The following ZNF844 variants were observed in gnomAD, a reference collection of about 807,000 sequenced individuals.
ZNF844 encodes the protein zinc finger protein 844.
A neutral mutation model predicts 11.4 loss-of-function variants in ZNF844; 11 were observed. The ratio of observed to expected loss-of-function variants is 0.97; its 90% CI spans 0.61 to 1.60. The LOEUF is 1.60. Ranked by LOEUF, ZNF844 falls within the 40% of genes most tolerant of loss-of-function variation. ZNF844 has a pLI of 0.00. For missense variants in ZNF844, 790 were observed against 796.8 expected, an observed-to-expected ratio of 0.99 and a Z score of 0.10; for synonymous variants, 248 against 260.3, an observed-to-expected ratio of 0.95 and a Z score of 0.46.
rs373193689 is a variant in ZNF844 at position 12,069,605 on chromosome 19, C to T, written c.4-4426C>T. On this transcript the variant is annotated intron_variant, in intron 1 of 3. Coordinates refer to ENST00000439326, the MANE Select transcript of ZNF844 (RefSeq NM_001136501.3). ...TTTTTTTTTTACAGAGAGGAGAAAA[C>T]AAGGTTAGGAAGAAGGTGAGAGTGG... 7.4e-5 allele frequency among the ~76,000 whole-genome samples: 11 copies of T among 149,304 alleles called. No homozygotes were observed. In the East Asian group the frequency reaches 7.9e-4, roughly 11 times the overall value.
At chr19:12,071,185 T>C (rs1289095857) in intron 1 of ZNF844, among the ~76,000 whole-genome samples, 1 of 152,158 alleles carries the variant, frequency 6.6e-6, no homozygotes, top group Non-Finnish European at 1.5e-5. Flanking sequence ...CCACTGGACA[T>C]CATTATCAAT....
intron 1 of ZNF844, among the ~76,000 whole-genome samples, chr19:12,073,222 C>T (rs535852725): frequency 2.0e-5 from 3 of 151,690 alleles, no homozygotes; most frequent in African/African-American, 4.8e-5. Flanking sequence ...TGCAATGGTG[C>T]GATCTCAGCT....
In ZNF844 at chr19:12,073,334, T is replaced by C. The variant is rs1975771809; in HGVS notation, c.4-697T>C. ...ACCACCACGCCCAGCTAATTTTGTA[T>C]TTTTAGTAGAGACAGGGTTTCTCCA... is the stretch of plus-strand genomic sequence containing the variant. On this transcript the variant is annotated intron_variant, in intron 1 of 3. Transcript: ENST00000439326. Among the ~76,000 whole-genome samples the C allele has an allele frequency of 2.0e-5, 3 of 152,108 alleles. No individual in the cohort carries two copies. The South Asian group carries it at 6.2e-4, about 32-fold the overall frequency.
rs893588414 is a variant in ZNF844 at position 12,064,755 on chromosome 19, G to A, written c.-119G>A. ...CAGTCTTTGGCCCCTCCCGCCGGGT[G>A]AGGTTGGCACCCCGTTTTTCCTGCT... On this transcript the variant is annotated 5_prime_UTR_variant, in exon 1 of 4. Coordinates refer to ENST00000439326, the MANE Select transcript of ZNF844 (RefSeq NM_001136501.3). 9.2e-7 allele frequency: 1 copy of A among 1,084,398 alleles called. No homozygotes were observed. The allele number at this position is 1,084,398 out of a possible 1,614,324, so 67.2% of individuals were successfully genotyped here.
chr19:12,066,675 T>C (rs1431851991), intron 1 of ZNF844, among the ~76,000 whole-genome samples: 3 of 150,492 alleles, frequency 2.0e-5, no homozygotes, highest in African/African-American at 7.3e-5. Flanking sequence ...GCCTCCGGAG[T>C]AGCTGGGACT....
At chr19:12,066,661 C>G (rs922819118) in intron 1 of ZNF844, among the ~76,000 whole-genome samples, 1 of 151,268 alleles carries the variant, frequency 6.6e-6, no homozygotes, top group African/African-American at 2.4e-5. Context: ...ATTCTCCTGC[C>G]TCAGCCTCCG....
In ZNF844 at chr19:12,077,511, C is replaced by T. The variant is rs372777656; in HGVS notation, c.*390C>T. ...AGCCTTCATTTCTTCCGGTAGCCTT[C>T]GATATCATGAAAGGACTCACACTGG... On this transcript the variant is annotated 3_prime_UTR_variant, in exon 4 of 4. Transcript: ENST00000439326. 5.6e-5 allele frequency: 34 copies of T among 610,006 alleles called. No homozygotes were observed. In the East Asian group the frequency reaches 1.2e-3, roughly 22 times the overall value. The allele number at this position is 610,006 out of a possible 1,614,324, so 37.8% of individuals were successfully genotyped here.
rs781304308 is a variant in ZNF844, at chr19:12,075,542, A to G, written c.422A>G (p.Tyr141Cys). 1.2e-5 allele frequency: 19 copies of G among 1,613,986 alleles called. No individual in the cohort carries two copies. Among genetic ancestry groups the G allele is most frequent in the South Asian group, 2.2e-5 (2 of 91,068 alleles). ...TATCAGGAATATGGACAGGAGCCATATAAGTGTCAACAACGTAAGAAAGCC... is the reference window on the plus strand; with the variant it reads ...TATCAGGAATATGGACAGGAGCCATGTAAGTGTCAACAACGTAAGAAAGCC... ...SEYQEYGQEP[Y>C]KCQQRKKAFR... The change falls in exon 4 of 4, where the codon TAT (tyrosine) becomes TGT (cysteine). Residue 141 changes from tyrosine to cysteine, a missense_variant. Physicochemically the swap from Tyr to Cys is radical, Grantham distance 194. This residue lies in a region of ZNF844 where 657 missense variants were observed against 636.2 expected (regional missense o/e 1.03). Coordinates refer to ENST00000439326, the MANE Select transcript of ZNF844 (RefSeq NM_001136501.3).
chr19:12,071,937 G>A (rs1356669012), intron 1 of ZNF844, among the ~76,000 whole-genome samples: 3 of 150,694 alleles, frequency 2.0e-5, no homozygotes, highest in Admixed American at 1.3e-4. Flanking sequence ...ACACAGCCTG[G>A]AGTGCAGTGG....
Position 12,076,731 on chromosome 19 carries a change from G to GA in ZNF844, c.1617dup (p.Pro540ThrfsTer104). On this transcript the variant is annotated frameshift_variant, in exon 4 of 4. Coordinates refer to ENST00000439326, the MANE Select transcript of ZNF844 (RefSeq NM_001136501.3). LOFTEE classifies it low-confidence loss of function (END_TRUNC). The stretch of plus-strand genomic sequence containing the variant: ...GCAACTGTATGAATCTAAACAATGT[G>GA]AAAAAACCTTTGGATCTGTCAGAAA... 2.5e-6 allele frequency: 4 copies of GA among 1,610,092 alleles called. No individual in the cohort carries two copies. Among genetic ancestry groups the GA allele is most frequent in the South Asian group, 1.1e-5 (1 of 90,520 alleles).
At chr19:12,065,004 AG>A in intron 1 of ZNF844, 128 bp downstream of exon 1, 1 of 1,022,112 alleles carries the variant, frequency 9.8e-7, no homozygotes, top group Non-Finnish European at 1.4e-6. Flanking sequence ...CTGGGGCCCG[AG>A]CCCCGCTGGC....
chr19:12,080,346 CAAA>C lies in ZNF844; in HGVS notation c.*3243_*3245del, dbSNP rs61413798. On this transcript the variant is annotated 3_prime_UTR_variant, in exon 4 of 4. Transcript: ENST00000439326. The stretch of plus-strand genomic sequence containing the variant: ...GCGGCGACAGAGCAAGACTCCGTCT[CAAA>C]AAAAAAAAAAAAAAAAAGAGAAGTC... 0.014 allele frequency: 2,378 copies of C among 170,016 alleles called. No individual in the cohort carries two copies. Among genetic ancestry groups the C allele is most frequent in the South Asian group, 0.019 (450 of 23,314 alleles). The allele number at this position is 170,016 out of a possible 1,614,324, so 10.5% of individuals were successfully genotyped here.
chr19:12,074,972 G>T (rs544211460), intron 3 of ZNF844, among the ~76,000 whole-genome samples: 1 of 151,984 alleles, frequency 6.6e-6, no homozygotes, highest in Non-Finnish European at 1.5e-5. Context: ...GTATAGATAG[G>T]CCATCTTATA....
chr19:12,064,951 C>T lies in ZNF844; in HGVS notation c.3+75C>T, dbSNP rs373545956. On this transcript the variant is annotated intron_variant, in intron 1 of 3. Transcript: ENST00000439326. ...GGAGGCTGGTTGGAACTGGCTGGAA[C>T]CGGCTGTGCCGGGACCCGGACCTCC... The T allele has an allele frequency of 4.1e-5, 62 of 1,498,380 alleles. 5 individuals are homozygous for T. In the East Asian group the frequency reaches 1.1e-3, roughly 26 times the overall value. 92.8% of individuals were successfully genotyped at this position (1,498,380 alleles called of 1,614,324 possible). A position where few individuals can be genotyped will look rare whatever the true frequency, so the allele number is the denominator to read the frequency against.
chr19:12,068,110 A>G (rs900776438), intron 1 of ZNF844, among the ~76,000 whole-genome samples: 4 of 151,994 alleles, frequency 2.6e-5, no homozygotes, highest in African/African-American at 9.7e-5. Context: ...GGAGTTTGAG[A>G]CCAGTCTGGG....
In ZNF844 at chr19:12,072,889, TTTTTC is replaced by T. The variant is rs1213436720; in HGVS notation, c.4-1132_4-1128del. ...CATGAGCCACCGCGCCTGGCCTTGA[TTTTTC>T]TTTTCTTTTTAGTTGAATGTAAGAA... is the stretch of plus-strand genomic sequence containing the variant. On this transcript the variant is annotated intron_variant, in intron 1 of 3. Transcript: ENST00000439326. Among the ~76,000 whole-genome samples, 5 of 151,478 alleles carry T rather than the reference TTTTTC, an allele frequency of 3.3e-5. No homozygotes were observed. In the East Asian group the frequency reaches 1.0e-3, roughly 30 times the overall value.
rs1160638304 is a variant in ZNF844, at chr19:12,077,490, T to C, written c.*369T>C. Reference sequence around the variant, plus strand: ...TGAATGTAAGCAGTGTGGGAAAGCCTTCATTTCTTCCGGTAGCCTTCGATA... The same window carrying C: ...TGAATGTAAGCAGTGTGGGAAAGCCCTCATTTCTTCCGGTAGCCTTCGATA... On this transcript the variant is annotated 3_prime_UTR_variant, in exon 4 of 4. Coordinates refer to ENST00000439326, the MANE Select transcript of ZNF844 (RefSeq NM_001136501.3). 1.6e-6 allele frequency: 1 copy of C among 607,718 alleles called. No individual in the cohort carries two copies. Among genetic ancestry groups the C allele is most frequent in the Admixed American group, 1.9e-5 (1 of 51,870 alleles). 37.6% of individuals were successfully genotyped at this position (607,718 alleles called of 1,614,324 possible).
In ZNF844 at chr19:12,075,415, G is replaced by A. The variant is rs1975796284; in HGVS notation, c.295G>A (p.Gly99Arg). ...DDTLNKKTSP[G>R]VKSCESSVCG... ...CACACTGAACAAAAAAACTTCTCCT[G>A]GAGTAAAATCATGTGAAAGCAGTGT... Residue 99 changes from glycine to arginine, a missense_variant, in exon 4 of 4, where the codon GGA becomes AGA. Physicochemically the swap from Gly to Arg is moderately radical, Grantham distance 125. Coordinates refer to ENST00000439326, the MANE Select transcript of ZNF844 (RefSeq NM_001136501.3). 1 of 1,606,432 alleles carries A rather than the reference G, an allele frequency of 6.2e-7. No individual in the cohort carries two copies. The highest frequency in any genetic ancestry group is 8.5e-7 in the Non-Finnish European group (1 of 1,177,096).
chr19:12,069,219 G>T (rs113404253), intron 1 of ZNF844, among the ~76,000 whole-genome samples: 1,921 of 110,206 alleles, frequency 0.017, 54 homozygotes, highest in African/African-American at 0.067. Context: ...GTCTTGCTCT[G>T]TCACCCAGGC....
Sources: gnomAD v4.1 joint callset for allele counts (sites outside exome capture counted in the v4.1 genomes callset) on GRCh38, gnomAD v4.1.1 for gene constraint, gnomAD v4.1.1 regional missense constraint, MANE v1.5 for transcripts, NCBI Gene and HGNC (gene_info 2026-07-23, HGNC 2026-07-21) for gene names.